Variants in MCF2L observed in about 807,000 individuals in gnomAD.
MCF2L encodes the protein MCF.2 cell line derived transforming sequence like, also known as guanine nucleotide exchange factor DBS.
Under a neutral mutation model 153.4 loss-of-function variants are expected in MCF2L, and 97 were observed. The observed-to-expected ratio is 0.63, with a 90% CI of 0.54 to 0.75. The LOEUF (loss-of-function observed/expected upper bound fraction) is 0.75, where lower values mean the gene tolerates loss of function less well. Among genes scored for constraint, MCF2L ranks in the 30% least tolerant of loss-of-function variants. MCF2L has a pLI of 0.00. For synonymous variants in MCF2L, 659 were observed against 632.2 expected, an observed-to-expected ratio of 1.04 and a Z score of -0.64; for missense variants, 1,347 against 1,495.2, an observed-to-expected ratio of 0.90 and a Z score of 1.64.
At chr13:112,999,542 C>T (rs1411470725) in intron 1 of MCF2L, among the ~76,000 whole-genome samples, 1 of 152,222 alleles carries the variant, frequency 6.6e-6, no homozygotes, top group East Asian at 1.9e-4. Flanking sequence ...AGCCGCTGTA[C>T]GGCTGGCTGC....
At chr13:112,996,564 T>C (rs191766974) in intron 1 of MCF2L, among the ~76,000 whole-genome samples, 90 of 152,240 alleles carry the variant, frequency 5.9e-4, no homozygotes, top group African/African-American at 2.0e-3. Context: ...TGTTCCAGAG[T>C]GTGCAGTGCC....
At position 112,969,350 on chromosome 13, in the gene MCF2L, C is replaced by A. The variant is rs1422897481; in HGVS notation, c.-30C>A. 1 of 1,549,408 alleles carries A rather than the reference C, an allele frequency of 6.5e-7. No individual in the cohort carries two copies. Among genetic ancestry groups the A allele is most frequent in the Non-Finnish European group, 8.7e-7 (1 of 1,146,354 alleles). ...CGCCCCCCGTGCGGAGGAAGCGGAT[C>A]TGCCAGGATCATTTTTGTTGTGTCG... On this transcript the variant is annotated 5_prime_UTR_variant, in exon 1 of 30. In the 5' UTR this introduces an upstream ATG that the reference lacks. Transcript: ENST00000535094. The surrounding 1 kb of genome is among the most constrained non-coding windows in gnomAD (Gnocchi z 4.8).
At chr13:112,979,588 T>A (rs1316143707) in intron 1 of MCF2L, 1 of 1,595,810 alleles carries the variant, frequency 6.3e-7, no homozygotes, top group Non-Finnish European at 8.5e-7. Context: ...GGCTCTAGCA[T>A]CAGGGGGTCG....
chr13:113,096,181 A>G, intron 27 of MCF2L, 190 bp from the exon 28 acceptor site: 1 of 602,030 alleles, frequency 1.7e-6, no homozygotes, highest in Non-Finnish European at 2.9e-6. Context: ...GACGCCTTCC[A>G]TCGCCGCTGC....
chr13:113,017,255 G>A (rs1251968142), intron 2 of MCF2L, among the ~76,000 whole-genome samples: 1 of 152,206 alleles, frequency 6.6e-6, no homozygotes, highest in Non-Finnish European at 1.5e-5. Context: ...TGCACTGGGG[G>A]ACCGAAACAA....
intron 2 of MCF2L, among the ~76,000 whole-genome samples, chr13:112,933,162 G>T (rs1340266930): frequency 1.3e-5 from 2 of 152,238 alleles, no homozygotes; most frequent in Non-Finnish European, 2.9e-5. Flanking sequence ...CCTCCTGGAG[G>T]TCCGGGCGCT....
chr13:112,988,958 G>A (rs1366005697), intron 1 of MCF2L, among the ~76,000 whole-genome samples: 2 of 118,494 alleles, frequency 1.7e-5, no homozygotes, highest in African/African-American at 7.2e-5. Context: ...GAGCTATCAC[G>A]CCTGAGTCCT....
chr13:112,951,279 T>C lies in MCF2L; in HGVS notation c.169+48908T>C, dbSNP rs1289002898. ...GGAATGTAAAATAGTATAGCCACTT[T>C]GGAAAACAATTTAGCAGTTTCTTTT... On this transcript the variant is annotated intron_variant, in intron 2 of 29. Coordinates refer to the MCF2L transcript ENST00000375608. The surrounding 1 kb of genome is among the most constrained non-coding windows in gnomAD (Gnocchi z 4.8). Among the ~76,000 whole-genome samples the C allele has an allele frequency of 6.6e-6, 1 of 152,234 alleles. No individual in the cohort carries two copies. The highest frequency in any genetic ancestry group is 1.9e-4 in the East Asian group (1 of 5,200).
At chr13:113,088,701 C>A in intron 25 of MCF2L, 73 bp downstream of exon 25, 1 of 1,475,770 alleles carries the variant, frequency 6.8e-7, no homozygotes, top group Non-Finnish European at 9.2e-7. Context: ...ACGCCAGGGT[C>A]CTCGGCCTCT....
Position 113,045,368 on chromosome 13 carries a change from G to A in MCF2L, c.369+7G>A. On this transcript the variant is annotated splice_region_variant and intron_variant, in intron 4 of 29. Coordinates refer to ENST00000535094, the MANE Select transcript of MCF2L (RefSeq NM_001112732.3). This position sits in a 1 kb window ranked among gnomAD's most constrained non-coding sequence, Gnocchi z 4.2. ...GTCCGTCCTGCGCATCGCAGTAAGT[G>A]CCACCCGGGGCTCTGCCCTGCGCCC... is the stretch of plus-strand genomic sequence containing the variant. The A allele has an allele frequency of 6.2e-7, 1 of 1,612,386 alleles. No individual in the cohort carries two copies. The highest frequency in any genetic ancestry group is 1.1e-5 in the South Asian group (1 of 91,058).
intron 1 of MCF2L, among the ~76,000 whole-genome samples, chr13:113,004,038 G>A (rs151138970): frequency 5.9e-4 from 90 of 152,274 alleles, no homozygotes; most frequent in Non-Finnish European, 1.0e-3. Context: ...TTGTTATGAC[G>A]ACTGTTCTCA....
exon 2 of MCF2L, chr13:112,902,238 A>T: frequency 6.2e-7 from 1 of 1,612,846 alleles, no homozygotes; most frequent in Non-Finnish European, 8.5e-7. Flanking sequence ...TGTGCAAGAG[A>T]CCTGGAAGCA....
At chr13:112,976,027 A>G (rs1486343086) in intron 1 of MCF2L, among the ~76,000 whole-genome samples, 1 of 152,182 alleles carries the variant, frequency 6.6e-6, no homozygotes, top group Admixed American at 6.5e-5. Context: ...GGGAAGAGAC[A>G]CTCAAGAAAA....
chr13:113,029,281 C>T (rs2085498891), intron 3 of MCF2L, among the ~76,000 whole-genome samples: 1 of 152,164 alleles, frequency 6.6e-6, no homozygotes, highest in Non-Finnish European at 1.5e-5. Context: ...GAGCACGGGG[C>T]TGCAGGCGTG....
chr13:112,912,138 A>G (rs1302534791), intron 2 of MCF2L, among the ~76,000 whole-genome samples: 1 of 152,096 alleles, frequency 6.6e-6, no homozygotes, highest in Non-Finnish European at 1.5e-5. Flanking sequence ...GTGTCAGTTA[A>G]CATGTGTCTC....
intron 3 of MCF2L, 138 bp downstream of exon 3, chr13:113,024,896 G>A: frequency 1.4e-6 from 1 of 690,102 alleles, no homozygotes; most frequent in Non-Finnish European, 2.6e-6. Flanking sequence ...CCCCGTGACT[G>A]TGGGTCGGGG....
chr13:113,023,768 TC>T (rs2085054394), intron 2 of MCF2L, among the ~76,000 whole-genome samples: 1 of 152,170 alleles, frequency 6.6e-6, no homozygotes, highest in Non-Finnish European at 1.5e-5. Context: ...CTCAGCTGTG[TC>T]CTCATGGGGG....
chr13:112,930,611 C>T (rs2081452601), intron 2 of MCF2L, among the ~76,000 whole-genome samples: 1 of 152,112 alleles, frequency 6.6e-6, no homozygotes, highest in African/African-American at 2.4e-5. Flanking sequence ...TTGTCAAAAC[C>T]CATACAGATG....
rs2035832532 is a variant in MCF2L at position 113,099,326 on chromosome 13, C to T, written c.*2467C>T. 6.6e-6 allele frequency: 1 copy of T among 152,192 alleles called. No individual in the cohort carries two copies. The allele number at this position is 152,192 out of a possible 1,614,324, so 9.4% of individuals were successfully genotyped here. A position where few individuals can be genotyped will look rare whatever the true frequency, so the allele number is the denominator to read the frequency against. On this transcript the variant is annotated 3_prime_UTR_variant, in exon 30 of 30. Coordinates refer to ENST00000535094, the MANE Select transcript of MCF2L (RefSeq NM_001112732.3). ...GTTATTTTCCAGCACACATGGAGCA[C>T]AAACAAAATATTTGCAAAACAATGG...
Sources: allele counts gnomAD v4.1 joint callset (sites outside exome capture counted in the v4.1 genomes callset), GRCh38; gene constraint gnomAD v4.1.1; non-coding constraint Gnocchi (gnomAD v3.1); transcripts MANE v1.5; gene names NCBI Gene and HGNC (gene_info 2026-07-23, HGNC 2026-07-21).